CLEC16A: variants seen among roughly 807,000 people sequenced by gnomAD.
The protein encoded by CLEC16A is C-type lectin domain containing 16A.
A neutral mutation model predicts 109.5 loss-of-function variants in CLEC16A; 51 were observed. The observed-to-expected ratio is 0.47, with a 90% CI of 0.37 to 0.59. The LOEUF is 0.59. CLEC16A is among the 20% of genes least tolerant of loss of function. CLEC16A has a pLI of 0.00. For missense variants in CLEC16A, 1,339 were observed against 1,394.0 expected (o/e 0.96, Z 0.63); for synonymous variants, 673 against 564.2 (o/e 1.19, Z -2.73).
intron 19 of CLEC16A, among the ~76,000 whole-genome samples, chr16:11,113,795 T>C (rs1485002639): frequency 6.6e-6 from 1 of 152,244 alleles, no homozygotes; most frequent in African/African-American, 2.4e-5. Flanking sequence ...TCCTTGGTGT[T>C]ACACAGAAGG....
At chr16:11,110,149 G>T (rs201252257) in intron 19 of CLEC16A, among the ~76,000 whole-genome samples, 1 of 152,234 alleles carries the variant, frequency 6.6e-6, no homozygotes, top group Non-Finnish European at 1.5e-5. Flanking sequence ...TGATTGAGCA[G>T]TCCCTGGCCT....
chr16:11,002,172 C>T (rs1049280561), intron 10 of CLEC16A, among the ~76,000 whole-genome samples: 6 of 152,168 alleles, frequency 3.9e-5, no homozygotes, highest in African/African-American at 1.4e-4. Flanking sequence ...AGTTTCTTCA[C>T]CTGTAAAATG....
chr16:11,124,139 A>G (rs184255336), intron 21 of CLEC16A, among the ~76,000 whole-genome samples, 193 bp downstream of exon 21: 1 of 152,246 alleles, frequency 6.6e-6, no homozygotes, highest in Non-Finnish European at 1.5e-5. Context: ...CTAGGGCTGC[A>G]TGGAAGAGAA....
At chr16:11,155,258 G>C (rs1348628594) in intron 22 of CLEC16A, among the ~76,000 whole-genome samples, 11 of 151,964 alleles carry the variant, frequency 7.2e-5, no homozygotes, top group Non-Finnish European at 1.5e-5. Context: ...TCATCCTCAC[G>C]AACCCTGTAA....
chr16:11,166,513 A>G lies in CLEC16A; in HGVS notation c.2767A>G (p.Ser923Gly), dbSNP rs1401917465. The G allele has an allele frequency of 1.2e-6, 2 of 1,608,646 alleles. No individual in the cohort carries two copies. The highest frequency in any genetic ancestry group is 2.7e-5 in the African/African-American group (2 of 74,920). The part of the protein sequence containing the change: ...STSHCDSGGT[S>G]SSSTPSTAQS... ...CAGCCACTGCGACTCTGGAGGCACCAGCTCGTCCTCCACCCCCTCCACAGC... is the reference window on the plus strand; with the variant it reads ...CAGCCACTGCGACTCTGGAGGCACCGGCTCGTCCTCCACCCCCTCCACAGC... The change falls in exon 23 of 24, where the codon AGC (serine) becomes GGC (glycine). Residue 923 changes from serine (S) to glycine (G), a missense_variant. By Grantham distance (56) the Ser-to-Gly change is moderately conservative. This residue lies in a region of CLEC16A where 1,061 missense variants were observed against 1,006.8 expected (regional missense o/e 1.05). Transcript: ENST00000409790.
At chr16:11,152,102 C>A (rs994544818) in intron 22 of CLEC16A, among the ~76,000 whole-genome samples, 2 of 152,146 alleles carry the variant, frequency 1.3e-5, no homozygotes, top group African/African-American at 4.8e-5. Context: ...CAGCAAGGGC[C>A]AGCTTAGCAC....
At chr16:10,956,214 C>T (rs929464241) in intron 1 of CLEC16A, among the ~76,000 whole-genome samples, 3 of 152,228 alleles carry the variant, frequency 2.0e-5, no homozygotes, top group African/African-American at 4.8e-5. Flanking sequence ...TTAAAAATTA[C>T]ATGCAATTTC....
At chr16:11,171,885 CACAT>C (rs915180973) in intron 23 of CLEC16A, among the ~76,000 whole-genome samples, 5 of 152,138 alleles carry the variant, frequency 3.3e-5, no homozygotes, top group Non-Finnish European at 7.4e-5. Flanking sequence ...TACACACTCA[CACAT>C]ACAAATGTGC....
At chr16:10,982,456 GC>G (rs1438811642) in intron 9 of CLEC16A, among the ~76,000 whole-genome samples, 3 of 152,260 alleles carry the variant, frequency 2.0e-5, no homozygotes, top group Non-Finnish European at 4.4e-5. Context: ...AAACTCTCCG[GC>G]CCCTTCTTCT....
Position 10,957,875 on chromosome 16 carries a change from G to A in CLEC16A, c.174G>A (p.Leu58=), listed in dbSNP as rs1372927674. 6.2e-7 allele frequency: 1 copy of A among 1,613,896 alleles called. No homozygotes were observed. The highest frequency in any genetic ancestry group is 1.7e-5 in the Admixed American group (1 of 60,026). The change falls in exon 2 of 24, where the codon CTG becomes CTA. Residue 58 remains leucine, a synonymous_variant. Transcript: ENST00000409790. The part of the protein sequence containing the change: ...VETIRSITEI[L]IWGDQNDSSV... ...CCATCCGTTCCATCACTGAGATCCTGATCTGGGGAGATCAAAATGACAGCT... is the reference window on the plus strand; with the variant it reads ...CCATCCGTTCCATCACTGAGATCCTAATCTGGGGAGATCAAAATGACAGCT...
intron 1 of CLEC16A, among the ~76,000 whole-genome samples, chr16:10,951,851 T>C (rs563216019): frequency 1.3e-5 from 2 of 152,366 alleles, no homozygotes; most frequent in East Asian, 1.9e-4. Flanking sequence ...ATAGCAACAT[T>C]GTTATCACTC....
At chr16:11,017,794 C>A (rs1377379538) in intron 11 of CLEC16A, among the ~76,000 whole-genome samples, 2 of 152,078 alleles carry the variant, frequency 1.3e-5, no homozygotes, top group Non-Finnish European at 2.9e-5. Flanking sequence ...GAGGGACTCT[C>A]AAGAATGCCT....
rs541777981 is a variant in CLEC16A, at chr16:10,962,432, A to T, written c.210-23A>T. ...TTCCACATGTGGAAGCAAGCCACTG[A>T]TGCTTTTCCATTCTCTCCCCAGCTT... On this transcript the variant is annotated intron_variant, in intron 2 of 23. Transcript: ENST00000409790. 2.5e-6 allele frequency: 4 copies of T among 1,613,704 alleles called. No homozygotes were observed. The South Asian group carries it at 3.3e-5, about 13-fold the overall frequency.
chr16:11,038,939 A>C (rs1189626481), intron 13 of CLEC16A, among the ~76,000 whole-genome samples: 2 of 152,030 alleles, frequency 1.3e-5, no homozygotes, highest in Non-Finnish European at 2.9e-5. Flanking sequence ...TTCCTCCTAC[A>C]TGTGTTGAGG....
intron 19 of CLEC16A, 49 bp downstream of exon 19, chr16:11,061,071 A>G: frequency 2.6e-6 from 4 of 1,545,636 alleles, no homozygotes; most frequent in Non-Finnish European, 3.5e-6. Context: ...GACATGGGAC[A>G]TGGGACACCA....
At chr16:11,045,681 G>A (rs1239340328) in intron 16 of CLEC16A, among the ~76,000 whole-genome samples, 1 of 152,122 alleles carries the variant, frequency 6.6e-6, no homozygotes, top group Admixed American at 6.5e-5. Context: ...CTGGCCTCCG[G>A]ATCAGGTCTC....
intron 22 of CLEC16A, 119 bp downstream of exon 22, chr16:11,126,265 A>G: frequency 1.3e-6 from 2 of 1,555,820 alleles, no homozygotes; most frequent in South Asian, 1.2e-5. Flanking sequence ...GTCGGCTGGC[A>G]GCACCAGCTT....
At position 11,151,470 on chromosome 16, in the gene CLEC16A, C is replaced by G. The variant is rs553179496; in HGVS notation, c.2642-14918C>G. On this transcript the variant is annotated intron_variant, in intron 22 of 23. Coordinates refer to ENST00000409790, the MANE Select transcript of CLEC16A (RefSeq NM_015226.3). ...GCACATATGTGTGCGCCTCTGCCAG[C>G]ATGTGCACAGGCATTGTTTCTATCA... Among the ~76,000 whole-genome samples the G allele has an allele frequency of 4.6e-5, 7 of 152,384 alleles. No homozygotes were observed. The East Asian group carries it at 1.3e-3, about 29-fold the overall frequency.
At chr16:11,147,635 A>C (rs987901513) in intron 22 of CLEC16A, among the ~76,000 whole-genome samples, 4 of 152,220 alleles carry the variant, frequency 2.6e-5, no homozygotes, top group African/African-American at 9.6e-5. Context: ...GAATACACTT[A>C]AAGTCCATGA....
Sources: gnomAD v4.1 joint callset for allele counts (sites outside exome capture counted in the v4.1 genomes callset) on GRCh38, gnomAD v4.1.1 for gene constraint, gnomAD v4.1.1 regional missense constraint, MANE v1.5 for transcripts, NCBI Gene and HGNC (gene_info 2026-07-23, HGNC 2026-07-21) for gene names.